Variants in CRPPA observed in about 807,000 individuals in gnomAD.
The protein encoded by CRPPA is CDP-L-ribitol pyrophosphorylase A.
Under a neutral mutation model 52.0 loss-of-function variants are expected in CRPPA, and 43 were observed. The observed-to-expected ratio is 0.83, with a 90% CI of 0.65 to 1.07. The LOEUF is 1.07. CRPPA is among the 50% of genes least tolerant of loss of function. The pLI, the probability that CRPPA is intolerant of heterozygous loss-of-function variation, is 0.00. For missense variants in CRPPA, 629 were observed against 551.7 expected (o/e 1.14, Z -1.40); for synonymous variants, 250 against 203.5 (o/e 1.23, Z -1.94).
chr7:16,387,084 T>TAC (rs1430648847), intron 2 of CRPPA, among the ~76,000 whole-genome samples: 24 of 35,404 alleles, frequency 6.8e-4, no homozygotes, highest in Middle Eastern at 0.011. Flanking sequence ...TATATATATA[T>TAC]ATACACACAT....
chr7:16,294,646 T>C (rs971407389), intron 5 of CRPPA, among the ~76,000 whole-genome samples: 4 of 152,002 alleles, frequency 2.6e-5, no homozygotes, highest in African/African-American at 9.7e-5. Context: ...AAAGAAGTTA[T>C]GGTGTTATTC....
chr7:16,193,304 T>C (rs1424274028), intron 9 of CRPPA, among the ~76,000 whole-genome samples: 1 of 152,120 alleles, frequency 6.6e-6, no homozygotes, highest in Non-Finnish European at 1.5e-5. Flanking sequence ...ATAAGTGAGA[T>C]TGTTTACCTT....
In CRPPA at chr7:16,271,596, T is replaced by C. The variant is rs138641784; in HGVS notation, c.933+6533A>G. 2.6e-3 allele frequency among the ~76,000 whole-genome samples: 391 copies of C among 152,302 alleles called. 1 individual carries two copies. The highest frequency in any genetic ancestry group is 4.1e-3 in the Non-Finnish European group (280 of 68,002). Reference sequence around the variant, plus strand: ...CTGTGCCCCAATGAAGCTCTTTATGTGCCTTTCACATACTGTTACTTCTGG... The same window carrying C: ...CTGTGCCCCAATGAAGCTCTTTATGCGCCTTTCACATACTGTTACTTCTGG... On this transcript the variant is annotated intron_variant, in intron 6 of 9. Coordinates refer to ENST00000407010, the MANE Select transcript of CRPPA (RefSeq NM_001101426.4).
chr7:16,200,275 T>C (rs1359286626), intron 9 of CRPPA, among the ~76,000 whole-genome samples: 2 of 152,214 alleles, frequency 1.3e-5, no homozygotes, highest in Non-Finnish European at 2.9e-5. Context: ...TGGTTATGCT[T>C]ACATACTAAG....
intron 9 of CRPPA, among the ~76,000 whole-genome samples, chr7:16,128,815 A>G (rs968515194): frequency 2.6e-5 from 4 of 152,210 alleles, no homozygotes; most frequent in African/African-American, 7.2e-5. Flanking sequence ...GGAAACAGAA[A>G]GCAAAGTTAC....
At chr7:16,156,115 C>CAAAAAAAA (rs35258024) in intron 9 of CRPPA, among the ~76,000 whole-genome samples, 1 of 111,962 alleles carries the variant, frequency 8.9e-6, no homozygotes, top group East Asian at 2.3e-4. Flanking sequence ...TATTCAAAAG[C>CAAAAAAAA]AAAAAAAAAA....
At chr7:16,129,992 A>C (rs1413112297) in intron 9 of CRPPA, among the ~76,000 whole-genome samples, 2 of 152,280 alleles carry the variant, frequency 1.3e-5, no homozygotes, top group East Asian at 3.9e-4. Flanking sequence ...ACACAAATAA[A>C]TAACTATCGA....
chr7:16,365,683 T>G (rs975486477), intron 3 of CRPPA, among the ~76,000 whole-genome samples: 5 of 152,066 alleles, frequency 3.3e-5, no homozygotes, highest in African/African-American at 1.2e-4. Flanking sequence ...CAAACAAACT[T>G]GAGGCCTAAG....
intron 2 of CRPPA, among the ~76,000 whole-genome samples, chr7:16,382,683 G>C (rs1290595676): frequency 6.6e-6 from 1 of 152,022 alleles, no homozygotes; most frequent in East Asian, 1.9e-4. Flanking sequence ...TGGAGGCTTT[G>C]TTCGTTTCTT....
chr7:16,327,871 G>C (rs1029829501), intron 3 of CRPPA, among the ~76,000 whole-genome samples: 4 of 152,066 alleles, frequency 2.6e-5, no homozygotes, highest in African/African-American at 9.7e-5. Flanking sequence ...CATGGAAGTG[G>C]AAATACACAT....
chr7:16,406,031 T>G lies in CRPPA; in HGVS notation c.534+30A>C, dbSNP rs1787944482. ...TGAACCACACTACAGTGCTTGTCCC[T>G]TCTATCTAGACTCAAGAAAAAAGAC... On this transcript the variant is annotated intron_variant, in intron 2 of 9. Transcript: ENST00000407010. 3.1e-6 allele frequency: 5 copies of G among 1,599,752 alleles called. No homozygotes were observed. In the East Asian group the frequency reaches 1.1e-4, roughly 36 times the overall value.
intron 9 of CRPPA, among the ~76,000 whole-genome samples, chr7:16,190,643 G>A (rs747139215): frequency 3.3e-5 from 5 of 151,880 alleles, no homozygotes; most frequent in Non-Finnish European, 2.9e-5. Context: ...TAGATTTTTT[G>A]CAGAACAGGT....
intron 9 of CRPPA, among the ~76,000 whole-genome samples, chr7:16,192,550 C>G (rs1211605092): frequency 6.6e-6 from 1 of 152,140 alleles, no homozygotes; most frequent in Non-Finnish European, 1.5e-5. Flanking sequence ...CATCATCTCT[C>G]TTGCCCTTTT....
intron 8 of CRPPA, among the ~76,000 whole-genome samples, chr7:16,254,201 C>T (rs948900444): frequency 6.6e-6 from 1 of 152,074 alleles, no homozygotes; most frequent in Non-Finnish European, 1.5e-5. Context: ...GGATCTAGAA[C>T]CAGAAATACC....
intron 8 of CRPPA, among the ~76,000 whole-genome samples, chr7:16,236,272 T>G (rs1047404418): frequency 1.2e-4 from 19 of 152,092 alleles, no homozygotes; most frequent in Admixed American, 1.1e-3. Flanking sequence ...TGCTGGTGAC[T>G]TTAGCCTGTC....
chr7:16,136,444 G>A (rs765626277), intron 9 of CRPPA, among the ~76,000 whole-genome samples: 8 of 152,164 alleles, frequency 5.3e-5, no homozygotes, highest in Non-Finnish European at 1.2e-4. Context: ...ATGGTCCTGA[G>A]TATTACAATC....
chr7:16,384,873 A>G (rs1383136948), intron 2 of CRPPA, among the ~76,000 whole-genome samples: 1 of 152,220 alleles, frequency 6.6e-6, no homozygotes, highest in Non-Finnish European at 1.5e-5. Flanking sequence ...TATCAAACTT[A>G]GCAGATAAAG....
chr7:16,124,934 T>G (rs1277185957), intron 9 of CRPPA, among the ~76,000 whole-genome samples: 2 of 152,018 alleles, frequency 1.3e-5, no homozygotes, highest in African/African-American at 4.8e-5. Context: ...AAAGAAAGAA[T>G]AGCTTTTTTG....
chr7:16,411,425 G>C (rs937915022), intron 1 of CRPPA, among the ~76,000 whole-genome samples: 1 of 152,038 alleles, frequency 6.6e-6, no homozygotes, highest in African/African-American at 2.4e-5. Context: ...TATTAAGGTT[G>C]AAACACGTAA....
Sources: allele counts gnomAD v4.1 joint callset (sites outside exome capture counted in the v4.1 genomes callset), GRCh38; gene constraint gnomAD v4.1.1; transcripts MANE v1.5; gene names NCBI Gene and HGNC (gene_info 2026-07-23, HGNC 2026-07-21).